Variants in COL10A1 observed in about 807,000 individuals in gnomAD.
The protein encoded by COL10A1 is collagen alpha-1(X) chain.
COL10A1 carries 10 observed loss-of-function variants against 18.2 expected under a neutral mutation model. The ratio of observed to expected loss-of-function variants is 0.55; its 90% CI spans 0.34 to 0.93. COL10A1 has a LOEUF of 0.93. Ranked by LOEUF, COL10A1 falls within the 40% of genes least tolerant of loss-of-function variation. The probability of loss-of-function intolerance (pLI) is 0.02; values close to 1 mark genes in which losing one functional copy is unlikely to be tolerated. For synonymous variants in COL10A1, 330 were observed against 316.6 expected, an observed-to-expected ratio of 1.04 and a Z score of -0.45; for missense variants, 897 against 853.5, an observed-to-expected ratio of 1.05 and a Z score of -0.64.
the COL10A1 span, among the ~76,000 whole-genome samples, chr6:116,166,693 C>T: frequency 6.6e-6 from 1 of 152,078 alleles, no homozygotes. Context: ...AAAGTTAATT[C>T]AGTTATTTAT....
At chr6:116,160,140 G>T (rs930781361), upstream of COL10A1, among the ~76,000 whole-genome samples, 5 of 151,988 alleles carry the variant, frequency 3.3e-5, no homozygotes, top group African/African-American at 1.2e-4. Flanking sequence ...TAGTGGTGGG[G>T]TTGCTGGATC....
At chr6:116,216,769 C>A in the COL10A1 span, among the ~76,000 whole-genome samples, 1 of 151,954 alleles carries the variant, frequency 6.6e-6, no homozygotes, top group South Asian at 2.1e-4. Context: ...TCTCTTTTAT[C>A]CTCCAACAAA....
In COL10A1 at chr6:116,120,265, A is replaced by G. The variant is rs61745148; in HGVS notation, c.1851T>C (p.Asn617=). Residue 617 remains asparagine, a synonymous_variant, in exon 3 of 3, where the codon AAT becomes AAC. Transcript: ENST00000651968. ...GTHVWVGLYK[N]GTPVMYTYDE... ...CATAGGTGTACATTACAGGGGTGCC[A>G]TTCTTATACAGGCCTACCCAAACAT... The G allele has an allele frequency of 6.5e-4, 1,055 of 1,614,240 alleles. 3 individuals carry two copies. In the African/African-American group the frequency reaches 1.0e-2, roughly 15 times the overall value.
the COL10A1 span, among the ~76,000 whole-genome samples, chr6:116,165,084 G>A: frequency 6.5e-5 from 8 of 123,860 alleles, no homozygotes; most frequent in Non-Finnish European, 1.1e-4. Context: ...GCGACAGAGC[G>A]AGACTCCGTC....
chr6:116,157,772 A>G (rs148027834), intron 1 of COL10A1, among the ~76,000 whole-genome samples: 1 of 152,248 alleles, frequency 6.6e-6, no homozygotes, highest in African/African-American at 2.4e-5. Flanking sequence ...CTTCAAACAG[A>G]CTCTAACGGG....
the COL10A1 span, among the ~76,000 whole-genome samples, chr6:116,187,812 T>C: frequency 8.6e-3 from 1,311 of 152,170 alleles, 16 homozygotes; most frequent in African/African-American, 0.029. Context: ...GAAATATTTC[T>C]TAAATAGGAT....
the COL10A1 span, among the ~76,000 whole-genome samples, chr6:116,208,960 T>G: frequency 4.9e-4 from 75 of 152,134 alleles, no homozygotes; most frequent in African/African-American, 1.8e-3. Flanking sequence ...AAAAGATACA[T>G]AAAGGTATTT....
chr6:116,178,088 T>TGTGTGCGC, the COL10A1 span, among the ~76,000 whole-genome samples: 45 of 99,654 alleles, frequency 4.5e-4, no homozygotes, highest in African/African-American at 2.1e-3. Flanking sequence ...TGTGTGTGTG[T>TGTGTGCGC]GCGCGCGCGC....
the COL10A1 span, among the ~76,000 whole-genome samples, chr6:116,189,538 C>T: frequency 1.2e-4 from 18 of 151,886 alleles, no homozygotes; most frequent in Admixed American, 6.6e-5. Context: ...AACATATAAA[C>T]GAATGAGTAT....
the COL10A1 span, among the ~76,000 whole-genome samples, chr6:116,197,568 G>A: frequency 6.6e-6 from 1 of 152,018 alleles, no homozygotes; most frequent in African/African-American, 2.4e-5. Flanking sequence ...AGTGCAGATA[G>A]AAGACAGTAT....
At chr6:116,126,955 T>TA (rs1325906533), upstream of COL10A1, among the ~76,000 whole-genome samples, 1 of 152,206 alleles carries the variant, frequency 6.6e-6, no homozygotes, top group Non-Finnish European at 1.5e-5. Flanking sequence ...TTTTGGTAGT[T>TA]AGACTCTGTT....
chr6:116,161,934 T>C (rs1243835419), upstream of COL10A1, among the ~76,000 whole-genome samples: 1 of 152,202 alleles, frequency 6.6e-6, no homozygotes, highest in Non-Finnish European at 1.5e-5. Flanking sequence ...TATTTCACCA[T>C]CTTAAATGTA....
chr6:116,161,591 C>CT (rs1279909941), upstream of COL10A1, among the ~76,000 whole-genome samples: 1 of 152,042 alleles, frequency 6.6e-6, no homozygotes, highest in Non-Finnish European at 1.5e-5. Flanking sequence ...ATCTATGTGT[C>CT]TATTTTTGTA....
At position 116,125,460 on chromosome 6, in the gene COL10A1, T is replaced by A. The variant is rs1440310490; in HGVS notation, c.33A>T (p.Val11=). The change falls in exon 2 of 3, where the codon GTA becomes GTT. Residue 11 remains valine, a synonymous_variant. Transcript: ENST00000651968. The stretch of plus-strand genomic sequence containing the variant: ...ACACTCCATGAACCAAGTTCAAGGA[T>A]ACTAGCAGCAAAAAGGGTATTTGTG... The part of the protein sequence containing the change: MLPQIPFLLL[V]SLNLVHGVFY... 1.9e-6 allele frequency: 3 copies of A among 1,613,744 alleles called. No homozygotes were observed. Among genetic ancestry groups the A allele is most frequent in the Non-Finnish European group, 1.7e-6 (2 of 1,179,854 alleles).
At chr6:116,141,198 G>T (rs1352088821) in intron 1 of COL10A1, among the ~76,000 whole-genome samples, 3 of 151,216 alleles carry the variant, frequency 2.0e-5, no homozygotes, top group African/African-American at 4.9e-5. Flanking sequence ...TTTATATGTT[G>T]ATTGGCCATT....
At chr6:116,167,206 ATTTTTTTTTT>A in the COL10A1 span, among the ~76,000 whole-genome samples, 25 of 87,814 alleles carry the variant, frequency 2.8e-4, no homozygotes, top group Non-Finnish European at 4.2e-4. Flanking sequence ...CAAATAGAAG[ATTTTTTTTTT>A]TTTTTTTTTT....
chr6:116,182,135 A>C, the COL10A1 span, among the ~76,000 whole-genome samples: 2 of 151,830 alleles, frequency 1.3e-5, no homozygotes, highest in Admixed American at 6.6e-5. Context: ...TTCCTGAGTT[A>C]CTTCACCTAG....
Position 116,144,199 on chromosome 6 carries a change from TACA to T in COL10A1, c.-16+14412_-16+14414del, listed in dbSNP as rs570792037. Among the ~76,000 whole-genome samples the T allele has an allele frequency of 8.1e-4, 124 of 152,208 alleles. 1 individual carries two copies. Among genetic ancestry groups the T allele is most frequent in the African/African-American group, 2.7e-3 (112 of 41,540 alleles). On this transcript the variant is annotated intron_variant, in intron 1 of 1. Transcript: ENST00000418500. Reference sequence around the variant, plus strand: ...AGTATGAAAACAAACATATTCTTCTTACAACATTAAAGTGTAAAAGGAGGCCAG... The same window carrying T: ...AGTATGAAAACAAACATATTCTTCTTACATTAAAGTGTAAAAGGAGGCCAG...
intron 1 of COL10A1, among the ~76,000 whole-genome samples, chr6:116,158,119 A>G (rs1780242835): frequency 6.6e-6 from 1 of 152,236 alleles, no homozygotes; most frequent in Non-Finnish European, 1.5e-5. Context: ...TTCAATAGCT[A>G]TTAATATAAT....
Sources: gnomAD v4.1 joint callset for allele counts (sites outside exome capture counted in the v4.1 genomes callset) on GRCh38, gnomAD v4.1.1 for gene constraint, MANE v1.5 for transcripts, NCBI Gene and HGNC (gene_info 2026-07-23, HGNC 2026-07-21) for gene names.